ACTR10: variants seen among roughly 807,000 people sequenced by gnomAD.
The protein encoded by ACTR10 is actin related protein 10.
Under a neutral mutation model 56.2 loss-of-function variants are expected in ACTR10, and 43 were observed. That is an observed-to-expected ratio of 0.77 (90% CI 0.60 to 0.99). ACTR10 has a LOEUF of 0.99. Among genes scored for constraint, ACTR10 ranks in the 50% least tolerant of loss-of-function variants. ACTR10 has a pLI of 0.00. For missense variants in ACTR10, 466 were observed against 507.8 expected, an observed-to-expected ratio of 0.92 and a Z score of 0.79; for synonymous variants, 170 against 176.3, an observed-to-expected ratio of 0.96 and a Z score of 0.28.
chr14:58,230,333 G>A (rs1278211858), intron 10 of ACTR10, 66 bp from the exon 11 acceptor site: 1 of 809,100 alleles, frequency 1.2e-6, no homozygotes, highest in Non-Finnish European at 2.0e-6. Flanking sequence ...GGAAATAATG[G>A]TGTATTCTGT....
chr14:58,203,940 T>C (rs555952491), intron 2 of ACTR10, among the ~76,000 whole-genome samples: 10 of 152,188 alleles, frequency 6.6e-5, no homozygotes, highest in Non-Finnish European at 1.2e-4. Flanking sequence ...AACAGGCTTA[T>C]GGGAAAAATA....
At chr14:58,201,139 G>A (rs1888694837) in intron 1 of ACTR10, among the ~76,000 whole-genome samples, 2 of 152,140 alleles carry the variant, frequency 1.3e-5, no homozygotes, top group Admixed American at 6.6e-5. Flanking sequence ...ACTTCCTGAC[G>A]TGTAGTAGGT....
chr14:58,217,244 C>T (rs1889153215), intron 7 of ACTR10, among the ~76,000 whole-genome samples: 1 of 152,170 alleles, frequency 6.6e-6, no homozygotes, highest in African/African-American at 2.4e-5. Flanking sequence ...TTTTTCTAGT[C>T]AACCTTGTAC....
chr14:58,203,302 C>CAAAAAAAA (rs11384472), intron 2 of ACTR10, among the ~76,000 whole-genome samples: 34 of 104,830 alleles, frequency 3.2e-4, no homozygotes, highest in East Asian at 5.1e-4. Flanking sequence ...GACTTCGTCT[C>CAAAAAAAA]AAAAAAAAAA....
At chr14:58,224,121 C>T (rs1269741008) in intron 10 of ACTR10, among the ~76,000 whole-genome samples, 3 of 152,204 alleles carry the variant, frequency 2.0e-5, no homozygotes, top group Admixed American at 6.5e-5. Context: ...CTGCCTCAGC[C>T]TCCCAAGTAG....
At chr14:58,219,660 A>T in intron 7 of ACTR10, 34 bp from the exon 8 acceptor site, 1 of 1,363,048 alleles carries the variant, frequency 7.3e-7, no homozygotes, top group Non-Finnish European at 9.8e-7. Flanking sequence ...TAATTATTAA[A>T]GTTTTATAAT....
intron 1 of ACTR10, 90 bp downstream of exon 1, chr14:58,200,384 G>C (rs1452022041): frequency 2.7e-6 from 3 of 1,091,988 alleles, no homozygotes; most frequent in African/African-American, 1.6e-5. Context: ...TCGCCGACTC[G>C]CTGGGCAGCT....
chr14:58,201,766 A>G (rs8012185), intron 1 of ACTR10, among the ~76,000 whole-genome samples: 38,084 of 152,132 alleles, frequency 0.25, 5,632 homozygotes, highest in East Asian at 0.62. Context: ...AGCAGTTTGG[A>G]AAGCTGAGGC....
intron 12 of ACTR10, 137 bp downstream of exon 12, chr14:58,232,404 C>CT (rs5808963): frequency 0.05 from 6,744 of 135,520 alleles, 890 homozygotes; most frequent in African/African-American, 0.063. Flanking sequence ...CTGACTTTTT[C>CT]TTTTTTTTTT....
chr14:58,233,475 T>A (rs1889594119), intron 12 of ACTR10, among the ~76,000 whole-genome samples: 2 of 152,062 alleles, frequency 1.3e-5, no homozygotes, highest in South Asian at 4.1e-4. Flanking sequence ...ATCAAAAAAA[T>A]TAAGAAAAAG....
In ACTR10 at chr14:58,223,486, GA is replaced by G. The variant is rs1228727042; in HGVS notation, c.635-134del. ...ATTATTGTTAGCTAACTAAAGATGGGAATAGAGTTTATAAAATCCAAAGGAA... is the reference window on the plus strand; with the variant it reads ...ATTATTGTTAGCTAACTAAAGATGGGATAGAGTTTATAAAATCCAAAGGAA... On this transcript the variant is annotated intron_variant, in intron 8 of 12. Transcript: ENST00000254286. The G allele has an allele frequency of 5.7e-5, 43 of 757,378 alleles. No individual in the cohort carries two copies. The African/African-American group carries it at 7.6e-4, about 13-fold the overall frequency. The allele number at this position is 757,378 out of a possible 1,614,324, so 46.9% of individuals were successfully genotyped here.
chr14:58,224,111 C>T (rs1889345041), intron 10 of ACTR10, among the ~76,000 whole-genome samples: 1 of 152,066 alleles, frequency 6.6e-6, no homozygotes, highest in South Asian at 2.1e-4. Flanking sequence ...AGCAATTCTC[C>T]TGCCTCAGCC....
At chr14:58,202,382 C>T (rs1431224395) in intron 1 of ACTR10, among the ~76,000 whole-genome samples, 2 of 150,890 alleles carry the variant, frequency 1.3e-5, no homozygotes, top group Non-Finnish European at 2.9e-5. Flanking sequence ...GAGATCGAGA[C>T]TATCCTGGCT....
intron 7 of ACTR10, 123 bp downstream of exon 7, chr14:58,215,407 T>C: frequency 1.8e-6 from 1 of 562,478 alleles, no homozygotes; most frequent in Non-Finnish European, 3.1e-6. Flanking sequence ...CTGATGGTAC[T>C]GCTTCAACTA....
chr14:58,210,352 C>T (rs925632648), intron 4 of ACTR10, among the ~76,000 whole-genome samples: 3 of 151,930 alleles, frequency 2.0e-5, no homozygotes, highest in East Asian at 1.9e-4. Context: ...TTCAATTAGC[C>T]GGACGTGGTG....
intron 3 of ACTR10, 40 bp downstream of exon 3, chr14:58,208,058 G>T: frequency 6.9e-7 from 1 of 1,453,662 alleles, no homozygotes; most frequent in Non-Finnish European, 9.1e-7. Context: ...TGATTAGATA[G>T]ATTTTCCTAA....
intron 2 of ACTR10, among the ~76,000 whole-genome samples, chr14:58,204,713 A>C (rs1888814286): frequency 6.6e-6 from 1 of 152,188 alleles, no homozygotes; most frequent in African/African-American, 2.4e-5. Context: ...CTGAGGCACG[A>C]ATTGCTGGTG....
At chr14:58,208,105 C>CAAA (rs34557633) in intron 3 of ACTR10, 87 bp downstream of exon 3, 21 of 919,184 alleles carry the variant, frequency 2.3e-5, no homozygotes, top group African/African-American at 4.2e-5. Flanking sequence ...CAGCTGAGGC[C>CAAA]AAAAAAAAAA....
At chr14:58,209,144 G>A in intron 4 of ACTR10, 37 bp downstream of exon 4, 1 of 1,358,694 alleles carries the variant, frequency 7.4e-7, no homozygotes, top group East Asian at 2.4e-5. Flanking sequence ...AATTGCTTTT[G>A]AAATAAAAAG....
Sources: allele counts gnomAD v4.1 joint callset (sites outside exome capture counted in the v4.1 genomes callset), GRCh38; gene constraint gnomAD v4.1.1; transcripts MANE v1.5; gene names NCBI Gene and HGNC (gene_info 2026-07-23, HGNC 2026-07-21).